KCNMB1: variants seen among roughly 807,000 people sequenced by gnomAD.
KCNMB1 encodes the protein potassium calcium-activated channel subfamily M regulatory beta subunit 1, also known as calcium-activated potassium channel subunit beta-1.
A neutral mutation model predicts 21.7 loss-of-function variants in KCNMB1; 22 were observed. That is an observed-to-expected ratio of 1.01 (90% CI 0.72 to 1.45). The LOEUF (loss-of-function observed/expected upper bound fraction) is 1.45. KCNMB1 is among the 40% of genes most tolerant of loss of function. The pLI, the probability that KCNMB1 is intolerant of heterozygous loss-of-function variation, is 0.00. For missense variants in KCNMB1, 243 were observed against 243.4 expected, an observed-to-expected ratio of 1.00 and a Z score of 0.01; for synonymous variants, 114 against 107.6, an observed-to-expected ratio of 1.06 and a Z score of -0.37.
Position 170,385,409 on chromosome 5 carries a change from C to A in KCNMB1, c.39G>T (p.Glu13Asp). The change falls in exon 2 of 4, where the codon GAG (glutamate) becomes GAT (aspartate). Residue 13 changes from glutamate to aspartate, a missense_variant. Transcript: ENST00000274629. Reference protein sequence around the residue: ...KKLVMAQKRGETRALCLGVTM... With the variant: ...KKLVMAQKRGDTRALCLGVTM... ...TTACACCCAGGCAAAGGGCTCGTGT[C>A]TCTCCCCGCTTCTGGGCCATCACCA... 6.2e-7 allele frequency: 1 copy of A among 1,614,110 alleles called. No individual in the cohort carries two copies.
In KCNMB1 at chr5:170,385,344, ACC is replaced by A; in HGVS notation, c.102_103del (p.Val35HisfsTer22). 1 of 1,614,124 alleles carries A rather than the reference ACC, an allele frequency of 6.2e-7. No homozygotes were observed. Among genetic ancestry groups the A allele is most frequent in the South Asian group, 1.1e-5 (1 of 91,074 alleles). The stretch of plus-strand genomic sequence containing the variant: ...CTGGTAGAGGGGCAGCACAGTCGTG[ACC>A]AGGATGTAGTAGGTGATGACGGCAC... On this transcript the variant is annotated frameshift_variant, in exon 2 of 4. Coordinates refer to ENST00000274629, the MANE Select transcript of KCNMB1 (RefSeq NM_004137.4). LOFTEE classifies it high-confidence loss of function.
intron 1 of KCNMB1, among the ~76,000 whole-genome samples, chr5:170,387,744 G>A (rs913938489): frequency 2.6e-5 from 4 of 152,274 alleles, no homozygotes; most frequent in East Asian, 3.9e-4. Flanking sequence ...TCTACCTGGC[G>A]TCAGTTGAAC....
chr5:170,383,912 C>T (rs1764360824), intron 2 of KCNMB1, 62 bp from the exon 3 acceptor site: 1 of 1,536,252 alleles, frequency 6.5e-7, no homozygotes, highest in Non-Finnish European at 8.9e-7. Flanking sequence ...ACAGAACACC[C>T]ATTTGAACCC....
chr5:170,375,945 A>G lies in KCNMB1; in HGVS notation c.*2759T>C, dbSNP rs1763984515. On this transcript the variant is annotated 3_prime_UTR_variant, in exon 4 of 4. Transcript: ENST00000274629. ...CAGCACAGCTGGAATTTGAACCCAAACAGTGCACATCCCAAGTCCACATAC... is the reference window on the plus strand; with the variant it reads ...CAGCACAGCTGGAATTTGAACCCAAGCAGTGCACATCCCAAGTCCACATAC... The G allele has an allele frequency of 6.6e-6, 1 of 152,172 alleles. No homozygotes were observed. The highest frequency in any genetic ancestry group is 1.5e-5 in the Non-Finnish European group (1 of 68,046). The allele number at this position is 152,172 out of a possible 1,614,324, so 9.4% of individuals were successfully genotyped here.
Position 170,389,365 on chromosome 5 carries a change from C to T in KCNMB1, c.-131G>A, listed in dbSNP as rs1764619733. On this transcript the variant is annotated 5_prime_UTR_variant, in exon 1 of 4. Transcript: ENST00000274629. Reference sequence around the variant, plus strand: ...ACAGAGCTTCAGCAGGAAGTTTGGCCTCCCCGCCCGTCTCCAGGGAAGCAG... The same window carrying T: ...ACAGAGCTTCAGCAGGAAGTTTGGCTTCCCCGCCCGTCTCCAGGGAAGCAG... 1 of 151,856 alleles carries T rather than the reference C, an allele frequency of 6.6e-6. No homozygotes were observed. Among genetic ancestry groups the T allele is most frequent in the Admixed American group, 6.6e-5 (1 of 15,238 alleles). 9.4% of individuals were successfully genotyped at this position (151,856 alleles called of 1,614,324 possible).
At position 170,378,490 on chromosome 5, in the gene KCNMB1, C is replaced by A; in HGVS notation, c.*214G>T. On this transcript the variant is annotated 3_prime_UTR_variant, in exon 4 of 4. Transcript: ENST00000274629. ...TAGAACTGGCTGGCCTTATGGCCTC[C>A]AAGGCATTGGGGAGCCACTGTACAT... 1.7e-6 allele frequency: 1 copy of A among 590,406 alleles called. No homozygotes were observed. 36.6% of individuals were successfully genotyped at this position (590,406 alleles called of 1,614,324 possible).
At chr5:170,379,821 G>T (rs1764167563) in intron 3 of KCNMB1, among the ~76,000 whole-genome samples, 1 of 152,006 alleles carries the variant, frequency 6.6e-6, no homozygotes, top group Non-Finnish European at 1.5e-5. Flanking sequence ...GGGCATGGTG[G>T]TGTACCTGTA....
intron 2 of KCNMB1, 45 bp downstream of exon 2, chr5:170,385,269 C>G (rs760953704): frequency 3.9e-5 from 63 of 1,611,562 alleles, no homozygotes; most frequent in Non-Finnish European, 5.3e-5. Context: ...ATGCCAGACC[C>G]TTAGGAGAGG....
At position 170,376,947 on chromosome 5, in the gene KCNMB1, C is replaced by T. The variant is rs1764028640; in HGVS notation, c.*1757G>A. On this transcript the variant is annotated 3_prime_UTR_variant, in exon 4 of 4. Coordinates refer to ENST00000274629, the MANE Select transcript of KCNMB1 (RefSeq NM_004137.4). ...GCCATTTTAAACACCTATGATGTGT[C>T]AAACATTCCTTCAGCCCTCCCAACT... is the stretch of plus-strand genomic sequence containing the variant. The T allele has an allele frequency of 6.6e-6, 1 of 152,190 alleles. No individual in the cohort carries two copies. Among genetic ancestry groups the T allele is most frequent in the Non-Finnish European group, 1.5e-5 (1 of 68,032 alleles). The allele number at this position is 152,190 out of a possible 1,614,324, so 9.4% of individuals were successfully genotyped here.
chr5:170,382,940 CAAGGAAGG>C (rs60329523), intron 3 of KCNMB1: 7,127 of 131,098 alleles, frequency 0.054, 229 homozygotes, highest in Middle Eastern at 0.089. Context: ...AAGAAGGAAA[CAAGGAAGG>C]AAGGAAGGAA....
In KCNMB1 at chr5:170,377,567, ATTTTTTG is replaced by A. The variant is rs1202506530; in HGVS notation, c.*1130_*1136del. ...CCTTTCCTCCAGAGGGTTGTTTTTC[ATTTTTTG>A]TTTTTTGTTTTTTTTTTGAGACGGA... On this transcript the variant is annotated 3_prime_UTR_variant, in exon 4 of 4. Coordinates refer to ENST00000274629, the MANE Select transcript of KCNMB1 (RefSeq NM_004137.4). The A allele has an allele frequency of 6.9e-6, 1 of 145,352 alleles. No homozygotes were observed. Among genetic ancestry groups the A allele is most frequent in the Non-Finnish European group, 1.5e-5 (1 of 66,340 alleles). 9.0% of individuals were successfully genotyped at this position (145,352 alleles called of 1,614,324 possible). A position where few individuals can be genotyped will look rare whatever the true frequency, so the allele number is the denominator to read the frequency against.
At position 170,378,927 on chromosome 5, in the gene KCNMB1, G is replaced by T; in HGVS notation, c.353C>A (p.Ala118Asp). 2 of 1,614,180 alleles carry T rather than the reference G, an allele frequency of 1.2e-6. No homozygotes were observed. Among genetic ancestry groups the T allele is most frequent in the Non-Finnish European group, 1.7e-6 (2 of 1,179,996 alleles). ...TTTGGCTCTGACCTTCTCCACGTCG[G>T]CCCGGGCCGTCTGGTAATTGTCCAC... is the stretch of plus-strand genomic sequence containing the variant. ...GSVDNYQTAR[A>D]DVEKVRAKFQ... Residue 118 changes from alanine (A) to aspartate (D), a missense_variant, in exon 4 of 4, where the codon GCC becomes GAC. Physicochemically the swap from Ala to Asp is moderately radical, Grantham distance 126. Coordinates refer to ENST00000274629, the MANE Select transcript of KCNMB1 (RefSeq NM_004137.4).
chr5:170,385,200 C>G, intron 2 of KCNMB1, 114 bp downstream of exon 2: 1 of 1,176,082 alleles, frequency 8.5e-7, no homozygotes, highest in South Asian at 1.3e-5. Context: ...CGTCTTGACC[C>G]TGCTGCCTTG....
intron 1 of KCNMB1, 143 bp from the exon 2 acceptor site, chr5:170,385,614 T>C: frequency 1.2e-6 from 1 of 817,638 alleles, no homozygotes. Context: ...TCCAGAAGTC[T>C]TGCTTTTTGG....
intron 3 of KCNMB1, chr5:170,382,722 A>G (rs777351398): frequency 2.0e-5 from 3 of 148,334 alleles, no homozygotes; most frequent in African/African-American, 5.0e-5. Context: ...CAATGGTGCA[A>G]TCTCACCAAG....
At chr5:170,389,142 A>T (rs1466738892) in intron 1 of KCNMB1, 117 bp downstream of exon 1, 1 of 152,262 alleles carries the variant, frequency 6.6e-6, no homozygotes, top group African/African-American at 2.4e-5. Context: ...CCCGAGAGGA[A>T]GGGAGTCCTC....
intron 3 of KCNMB1, among the ~76,000 whole-genome samples, chr5:170,379,336 A>G (rs1272713455): frequency 6.6e-6 from 1 of 152,166 alleles, no homozygotes; most frequent in Non-Finnish European, 1.5e-5. Context: ...TTCAAAGGAT[A>G]TTATGAAAGA....
chr5:170,382,113 C>T (rs540447400), intron 3 of KCNMB1, among the ~76,000 whole-genome samples: 1 of 152,288 alleles, frequency 6.6e-6, no homozygotes, highest in South Asian at 2.1e-4. Context: ...ACATCTTGGT[C>T]GTGAGTGCTT....
Position 170,378,732 on chromosome 5 carries a change from T to A in KCNMB1, c.548A>T (p.Tyr183Phe), listed in dbSNP as rs1214133449. The part of the protein sequence containing the change: ...LIIAMVKSNQ[Y>F]LSILAAQK ...CTTCTGGGCCGCCAGGATGGACAGG[T>A]ACTGGTTGCTCTTCACCATGGCGAT... The change falls in exon 4 of 4, where the codon TAC (tyrosine) becomes TTC (phenylalanine). Residue 183 changes from tyrosine (Y) to phenylalanine (F), a missense_variant. Transcript: ENST00000274629. 19 of 1,613,732 alleles carry A rather than the reference T, an allele frequency of 1.2e-5. No homozygotes were observed. Among genetic ancestry groups the A allele is most frequent in the African/African-American group, 1.3e-5 (1 of 74,974 alleles).
Sources: allele counts gnomAD v4.1 joint callset (sites outside exome capture counted in the v4.1 genomes callset), GRCh38; gene constraint gnomAD v4.1.1; transcripts MANE v1.5; gene names NCBI Gene and HGNC (gene_info 2026-07-23, HGNC 2026-07-21).